Variants in HIPK3 observed in about 807,000 individuals in gnomAD.
The protein encoded by HIPK3 is homeodomain-interacting protein kinase 3.
Under a neutral mutation model 124.2 loss-of-function variants are expected in HIPK3, and 47 were observed. The ratio of observed to expected loss-of-function variants is 0.38; its 90% CI spans 0.30 to 0.48. The LOEUF (loss-of-function observed/expected upper bound fraction) is 0.48. HIPK3 is among the 20% of genes least tolerant of loss of function. The pLI is 0.98. For missense variants in HIPK3, 1,286 were observed against 1,454.3 expected (o/e 0.88, Z 1.88); for synonymous variants, 482 against 515.2 (o/e 0.94, Z 0.87).
chr11:33,347,009 A>T (rs779980745), intron 8 of HIPK3, among the ~76,000 whole-genome samples: 7 of 151,958 alleles, frequency 4.6e-5, no homozygotes, highest in Non-Finnish European at 7.4e-5. Flanking sequence ...AGCAACATAG[A>T]CCCTGTCTCT....
intron 1 of HIPK3, among the ~76,000 whole-genome samples, chr11:33,279,855 C>A (rs1355454347): frequency 6.6e-6 from 1 of 152,032 alleles, no homozygotes; most frequent in Admixed American, 6.6e-5. Flanking sequence ...TTGCTGTATC[C>A]TTACGTGGTA....
chr11:33,351,867 C>G (rs779118925), intron 15 of HIPK3, 24 bp downstream of exon 15: 2 of 1,557,478 alleles, frequency 1.3e-6, no homozygotes, highest in African/African-American at 2.7e-5. Context: ...TCCCATTTCT[C>G]TGGTTGTCCT....
At chr11:33,316,937 T>A (rs1458571347) in intron 2 of HIPK3, among the ~76,000 whole-genome samples, 1 of 152,232 alleles carries the variant, frequency 6.6e-6, no homozygotes, top group Admixed American at 6.5e-5. Flanking sequence ...TCCTTTGCAG[T>A]CTCAAAGACT....
intron 1 of HIPK3, among the ~76,000 whole-genome samples, chr11:33,269,281 T>A (rs1393625202): frequency 6.6e-6 from 1 of 152,100 alleles, no homozygotes; most frequent in African/African-American, 2.4e-5. Context: ...TATGACCTTC[T>A]CCCAGATTTC....
chr11:33,281,845 T>C (rs1161143288), intron 1 of HIPK3, among the ~76,000 whole-genome samples: 1 of 152,198 alleles, frequency 6.6e-6, no homozygotes, highest in Non-Finnish European at 1.5e-5. Context: ...TTAGTACCTT[T>C]TGATGGATAT....
chr11:33,339,310 CTTA>C, intron 5 of HIPK3, 37 bp from the exon 6 acceptor site: 1 of 1,494,516 alleles, frequency 6.7e-7, no homozygotes, highest in Non-Finnish European at 9.1e-7. Context: ...CTCTCTGTGA[CTTA>C]TTTTTACTTG....
At chr11:33,281,374 TA>T (rs1466441993) in intron 1 of HIPK3, among the ~76,000 whole-genome samples, 2 of 152,160 alleles carry the variant, frequency 1.3e-5, no homozygotes, top group Non-Finnish European at 2.9e-5. Flanking sequence ...CTTCTGTAAA[TA>T]ACAGTTTATG....
chr11:33,288,052 G>A (rs1158030699), intron 2 of HIPK3, among the ~76,000 whole-genome samples: 6 of 152,170 alleles, frequency 3.9e-5, no homozygotes, highest in Admixed American at 3.3e-4. Context: ...TTGAAAATTC[G>A]TTTCCTTTGA....
chr11:33,310,204 CTG>C (rs1287767859), intron 2 of HIPK3, among the ~76,000 whole-genome samples: 1 of 152,062 alleles, frequency 6.6e-6, no homozygotes, highest in Non-Finnish European at 1.5e-5. Flanking sequence ...CCACTAATCA[CTG>C]TGGCTGGCTG....
intron 8 of HIPK3, among the ~76,000 whole-genome samples, chr11:33,344,811 A>T: frequency 6.6e-6 from 1 of 152,202 alleles, no homozygotes; most frequent in East Asian, 1.9e-4. Flanking sequence ...CTTAGAAATG[A>T]AAGCACTCCC....
At chr11:33,266,473 GGAT>G (rs1379115887) in intron 1 of HIPK3, among the ~76,000 whole-genome samples, 2 of 152,170 alleles carry the variant, frequency 1.3e-5, no homozygotes, top group Non-Finnish European at 2.9e-5. Flanking sequence ...TGAAGTGGGT[GGAT>G]CCCTTGAGGC....
rs182402184 is a variant in HIPK3 at position 33,342,644 on chromosome 11, G to A, written c.1897+958G>A. Among the ~76,000 whole-genome samples the A allele has an allele frequency of 4.0e-5, 6 of 151,672 alleles. No homozygotes were observed. In the East Asian group the frequency reaches 7.8e-4, roughly 20 times the overall value. ...CTGCAACCTGCAGCCTCCGCCTCCCGGGTTCAAGCAATTCTGCCTTAGCCT... is the reference window on the plus strand; with the variant it reads ...CTGCAACCTGCAGCCTCCGCCTCCCAGGTTCAAGCAATTCTGCCTTAGCCT... On this transcript the variant is annotated intron_variant, in intron 8 of 16. Transcript: ENST00000303296.
Position 33,339,332 on chromosome 11 carries a change from A to G in HIPK3, c.1429-18A>G. The G allele has an allele frequency of 3.5e-6, 5 of 1,445,234 alleles. No homozygotes were observed. The highest frequency in any genetic ancestry group is 4.5e-6 in the Non-Finnish European group (5 of 1,099,756). 89.5% of individuals were successfully genotyped at this position (1,445,234 alleles called of 1,614,324 possible). ...TGACTTATTTTTACTTGATGGCTTG[A>G]AATTTTGATTTTCTTAGGTGAACAC... On this transcript the variant is annotated intron_variant, in intron 5 of 16. Coordinates refer to ENST00000303296, the MANE Select transcript of HIPK3 (RefSeq NM_005734.5).
chr11:33,327,619 C>T (rs563695824), intron 2 of HIPK3, among the ~76,000 whole-genome samples: 1 of 152,190 alleles, frequency 6.6e-6, no homozygotes, highest in Admixed American at 6.5e-5. Flanking sequence ...GAATATTCTT[C>T]TTTGTAGGAA....
At chr11:33,329,966 G>A (rs764988260) in intron 3 of HIPK3, among the ~76,000 whole-genome samples, 3 of 152,108 alleles carry the variant, frequency 2.0e-5, no homozygotes, top group Non-Finnish European at 2.9e-5. Context: ...TATTATACTC[G>A]ATTAGGACTT....
chr11:33,332,338 A>G (rs1041800983), intron 3 of HIPK3, among the ~76,000 whole-genome samples: 2 of 152,290 alleles, frequency 1.3e-5, no homozygotes, highest in African/African-American at 4.8e-5. Context: ...CTACCCACCA[A>G]TTGTTACAGT....
chr11:33,302,904 T>C (rs998652805), intron 2 of HIPK3, among the ~76,000 whole-genome samples: 1 of 152,184 alleles, frequency 6.6e-6, no homozygotes, highest in African/African-American at 2.4e-5. Flanking sequence ...CAGTAATACA[T>C]AGATGTTAAA....
At position 33,295,277 on chromosome 11, in the gene HIPK3, G is replaced by GCCC. The variant is rs34093915; in HGVS notation, c.1097+7774_1097+7776dup. Among the ~76,000 whole-genome samples, 699 of 106,266 alleles carry GCCC rather than the reference G, an allele frequency of 6.6e-3. 5 individuals are homozygous for GCCC. Among genetic ancestry groups the GCCC allele is most frequent in the Non-Finnish European group, 7.9e-3 (421 of 53,432 alleles). The allele number at this position is 106,266 out of a possible 152,430, so 69.7% of individuals were successfully genotyped here. On this transcript the variant is annotated intron_variant, in intron 2 of 16. Coordinates refer to ENST00000303296, the MANE Select transcript of HIPK3 (RefSeq NM_005734.5). ...CACCTGGAGAGAAGCAGCCACCACCGCCCCCCCCCCACAACTCCACCCCAT... is the reference window on the plus strand; with the variant it reads ...CACCTGGAGAGAAGCAGCCACCACCGCCCCCCCCCCCCCACAACTCCACCCCAT...
chr11:33,279,070 T>C (rs1363424742), intron 1 of HIPK3, among the ~76,000 whole-genome samples: 4 of 151,906 alleles, frequency 2.6e-5, no homozygotes, highest in Non-Finnish European at 5.9e-5. Flanking sequence ...ATCCCAACAC[T>C]TGAGAGGCTG....
Sources: allele counts gnomAD v4.1 joint callset (sites outside exome capture counted in the v4.1 genomes callset), GRCh38; gene constraint gnomAD v4.1.1; transcripts MANE v1.5; gene names NCBI Gene and HGNC (gene_info 2026-07-23, HGNC 2026-07-21).